KIAA0586: variants seen among roughly 807,000 people sequenced by gnomAD.
The protein encoded by KIAA0586 is KIAA0586.
KIAA0586 carries 144 observed loss-of-function variants against 169.8 expected under a neutral mutation model. The observed-to-expected ratio is 0.85, with a 90% CI of 0.74 to 0.97. The LOEUF is 0.97. Ranked by LOEUF, KIAA0586 falls within the 50% of genes least tolerant of loss-of-function variation. The pLI is 0.00. For synonymous variants in KIAA0586, 625 were observed against 612.4 expected (o/e 1.02, Z -0.30); for missense variants, 1,854 against 1,823.0 (o/e 1.02, Z -0.31).
chr14:58,487,195 T>C, intron 22 of KIAA0586, 29 bp downstream of exon 22: 1 of 1,572,760 alleles, frequency 6.4e-7, no homozygotes, highest in Non-Finnish European at 8.7e-7. Context: ...TAACTCGGTT[T>C]TAATTTTAGC....
intron 17 of KIAA0586, among the ~76,000 whole-genome samples, chr14:58,471,672 G>A (rs1243015632): frequency 2.0e-5 from 3 of 151,888 alleles, no homozygotes; most frequent in Non-Finnish European, 4.4e-5. Flanking sequence ...TCTGTTTATT[G>A]AAACTTCTGT....
chr14:58,521,080 C>A, intron 29 of KIAA0586: 1 of 426,298 alleles, frequency 2.3e-6, no homozygotes, highest in Admixed American at 3.5e-5. Flanking sequence ...CCTTGCCGAC[C>A]TTGAGCAGCA....
chr14:58,469,937 A>G (rs1017412334), intron 16 of KIAA0586, among the ~76,000 whole-genome samples: 4 of 152,114 alleles, frequency 2.6e-5, no homozygotes, highest in Admixed American at 6.6e-5. Flanking sequence ...TATGTTTTTG[A>G]TGATGTAAAT....
the KIAA0586 span, among the ~76,000 whole-genome samples, chr14:58,556,911 A>T: frequency 6.6e-6 from 1 of 151,942 alleles, no homozygotes; most frequent in African/African-American, 2.4e-5. Context: ...ACGCCCGGCT[A>T]ATTTTGTATT....
chr14:58,553,502 A>G (rs1444126901), downstream of KIAA0586, among the ~76,000 whole-genome samples: 3 of 151,920 alleles, frequency 2.0e-5, no homozygotes, highest in African/African-American at 7.3e-5. Flanking sequence ...CACGGGAGTC[A>G]GTTCATTTGA....
At position 58,428,136 on chromosome 14, in the gene KIAA0586, C is replaced by G. The variant is rs558897224; in HGVS notation, c.-129C>G. On this transcript the variant is annotated 5_prime_UTR_variant, in exon 1 of 31. Transcript: ENST00000652326. The stretch of plus-strand genomic sequence containing the variant: ...GATTCAATATCAGAATTTAGATTTT[C>G]AGCTTTGTGGATGTTCGACATTTTA... 207 of 1,470,338 alleles carry G rather than the reference C, an allele frequency of 1.4e-4. 2 individuals are homozygous for G. In the South Asian group the frequency reaches 2.9e-3, roughly 21 times the overall value. The allele number at this position is 1,470,338 out of a possible 1,614,324, so 91.1% of individuals were successfully genotyped here.
rs538506457 is a variant in KIAA0586 at position 58,514,272 on chromosome 14, G to A, written c.4429+1645G>A. Among the ~76,000 whole-genome samples the A allele has an allele frequency of 9.9e-5, 15 of 152,068 alleles. 1 individual carries two copies. The South Asian group carries it at 3.1e-3, about 32-fold the overall frequency. ...CAAATGTTGCAGAAAATAGAAGTCAGAGTGCCAAAATAATTCTCTGGAGCT... is the reference window on the plus strand; with the variant it reads ...CAAATGTTGCAGAAAATAGAAGTCAAAGTGCCAAAATAATTCTCTGGAGCT... On this transcript the variant is annotated intron_variant, in intron 29 of 30. Transcript: ENST00000652326.
chr14:58,474,286 C>T (rs1244898172), intron 18 of KIAA0586, among the ~76,000 whole-genome samples: 1 of 152,006 alleles, frequency 6.6e-6, no homozygotes, highest in African/African-American at 2.4e-5. Context: ...AATTTTTTAA[C>T]GATAATTATT....
At chr14:58,473,293 C>G (rs1302038227) in intron 18 of KIAA0586, among the ~76,000 whole-genome samples, 1 of 152,000 alleles carries the variant, frequency 6.6e-6, no homozygotes, top group Non-Finnish European at 1.5e-5. Context: ...CTAGATGAGA[C>G]AAGATTGACC....
Position 58,470,679 on chromosome 14 carries a change from A to G in KIAA0586, c.2509A>G (p.Ser837Gly). ...TGCTGATGTCCTTTCACCTCTGTCTAGCCCCAAAGAAGCATCTCTTCCTCC... is the reference window on the plus strand; with the variant it reads ...TGCTGATGTCCTTTCACCTCTGTCTGGCCCCAAAGAAGCATCTCTTCCTCC... The part of the protein sequence containing the change: ...SSADVLSPLS[S>G]PKEASLPPVQ... The change falls in exon 17 of 31, where the codon AGC becomes GGC. Residue 837 changes from serine (S) to glycine (G), a missense_variant. Ser to Gly is a moderately conservative substitution (Grantham distance 56). Transcript: ENST00000652326. 1 of 1,609,974 alleles carries G rather than the reference A, an allele frequency of 6.2e-7. No individual in the cohort carries two copies. The highest frequency in any genetic ancestry group is 8.5e-7 in the Non-Finnish European group (1 of 1,176,520).
chr14:58,505,097 A>G (rs1050355576), intron 27 of KIAA0586, among the ~76,000 whole-genome samples: 1 of 152,176 alleles, frequency 6.6e-6, no homozygotes, highest in East Asian at 1.9e-4. Flanking sequence ...AACCCATGTT[A>G]AGATTCTGGC....
rs917745556 is a variant in KIAA0586 at position 58,520,875 on chromosome 14, A to AT, written c.4429+8257dup. The AT allele has an allele frequency of 6.0e-4, 97 of 160,906 alleles. 1 individual carries two copies. Among genetic ancestry groups the AT allele is most frequent in the East Asian group, 4.4e-3 (24 of 5,452 alleles). The allele number at this position is 160,906 out of a possible 1,614,324, so 10.0% of individuals were successfully genotyped here. On this transcript the variant is annotated intron_variant, in intron 29 of 30. Transcript: ENST00000652326. ...ATATTGTAGCAGGTATCATTACTTT[A>AT]TTTTTTTTTGTAGATGAATAATATT...
At chr14:58,446,090 A>C (rs2038875402) in intron 6 of KIAA0586, among the ~76,000 whole-genome samples, 3 of 150,742 alleles carry the variant, frequency 2.0e-5, no homozygotes, top group South Asian at 4.2e-4. Context: ...GGTTGGTCTC[A>C]AACTCCTGAC....
intron 14 of KIAA0586, among the ~76,000 whole-genome samples, chr14:58,463,344 A>G (rs1369701903): frequency 6.6e-6 from 1 of 152,192 alleles, no homozygotes; most frequent in Admixed American, 6.5e-5. Context: ...CCATGAGTAC[A>G]GTTGGTTTAG....
chr14:58,516,208 G>T (rs2044741780), intron 29 of KIAA0586, among the ~76,000 whole-genome samples: 1 of 152,212 alleles, frequency 6.6e-6, no homozygotes, highest in South Asian at 2.1e-4. Context: ...TCTAGAGAAA[G>T]ATTGTGGGGA....
chr14:58,437,065 A>G (rs755662888), intron 4 of KIAA0586, among the ~76,000 whole-genome samples: 12 of 152,206 alleles, frequency 7.9e-5, no homozygotes, highest in Non-Finnish European at 1.5e-4. Flanking sequence ...GGGCTAGACT[A>G]TAGTCCAGCA....
intron 15 of KIAA0586, among the ~76,000 whole-genome samples, chr14:58,466,530 G>A (rs937033846): frequency 1.3e-5 from 2 of 152,038 alleles, no homozygotes; most frequent in African/African-American, 4.8e-5. Flanking sequence ...GAGACCAAGA[G>A]TTTGAGACCA....
chr14:58,489,239 T>TTTTTA (rs2042675282), intron 24 of KIAA0586, among the ~76,000 whole-genome samples: 1 of 150,904 alleles, frequency 6.6e-6, no homozygotes, highest in Non-Finnish European at 1.5e-5. Context: ...TTTTTTTTTT[T>TTTTTA]GAGACAGGTT....
rs199732899 is a variant in KIAA0586, at chr14:58,540,065, A to G, written c.4430-6A>G. ...TTTTCTTCTGAAAAAATAAATTTTT[A>G]TGTAGTTTCACCAGGTGATATGGAT... is the stretch of plus-strand genomic sequence containing the variant. On this transcript the variant is annotated splice_polypyrimidine_tract_variant and splice_region_variant and intron_variant, in intron 29 of 30. Coordinates refer to ENST00000652326, the MANE Select transcript of KIAA0586 (RefSeq NM_001329943.3). The G allele has an allele frequency of 4.6e-6, 7 of 1,517,222 alleles. No homozygotes were observed. The African/African-American group carries it at 8.3e-5, about 18-fold the overall frequency. 94.0% of individuals were successfully genotyped at this position (1,517,222 alleles called of 1,614,324 possible). A position where few individuals can be genotyped will look rare whatever the true frequency, so the allele number is the denominator to read the frequency against.
Sources: gnomAD v4.1 joint callset for allele counts (sites outside exome capture counted in the v4.1 genomes callset) on GRCh38, gnomAD v4.1.1 for gene constraint, MANE v1.5 for transcripts, NCBI Gene and HGNC (gene_info 2026-07-23, HGNC 2026-07-21) for gene names.